SVOP: variants seen among roughly 807,000 people sequenced by gnomAD.
SVOP encodes the protein SV2 related protein.
SVOP carries 17 observed loss-of-function variants against 69.1 expected under a neutral mutation model. That is an observed-to-expected ratio of 0.25 (90% CI 0.17 to 0.37). SVOP has a LOEUF of 0.37. Among genes scored for constraint, SVOP ranks in the 10% least tolerant of loss-of-function variants. The pLI, the probability that SVOP is intolerant of heterozygous loss-of-function variation, is 1.00. For synonymous variants in SVOP, 238 were observed against 238.6 expected (o/e 1.00, Z 0.02); for missense variants, 435 against 597.5 (o/e 0.73, Z 2.84).
intron 1 of SVOP, among the ~76,000 whole-genome samples, chr12:109,014,273 C>T (rs2040357321): frequency 6.6e-6 from 1 of 152,162 alleles, no homozygotes; most frequent in Admixed American, 6.5e-5. Flanking sequence ...CCTCGGCCTT[C>T]CAAAGTGCTG....
At chr12:108,991,131 G>A (rs1428194766) in intron 1 of SVOP, among the ~76,000 whole-genome samples, 3 of 152,170 alleles carry the variant, frequency 2.0e-5, no homozygotes, top group African/African-American at 7.2e-5. Flanking sequence ...ACAGGACTCA[G>A]GCAAACATCC....
intron 1 of SVOP, among the ~76,000 whole-genome samples, chr12:109,019,383 C>T (rs1209001344): frequency 6.6e-6 from 1 of 152,052 alleles, no homozygotes; most frequent in Non-Finnish European, 1.5e-5. Context: ...TTCATATACA[C>T]ATGAATCTTT....
At chr12:108,936,158 C>T (rs918736892) in intron 10 of SVOP, among the ~76,000 whole-genome samples, 1 of 151,948 alleles carries the variant, frequency 6.6e-6, no homozygotes, top group Non-Finnish European at 1.5e-5. Flanking sequence ...TGGTTCTCAT[C>T]CCCCAGCCTC....
intron 1 of SVOP, among the ~76,000 whole-genome samples, chr12:108,997,389 C>T (rs1480771321): frequency 2.7e-5 from 4 of 150,530 alleles, no homozygotes; most frequent in African/African-American, 9.7e-5. Flanking sequence ...GGGGGAGGGG[C>T]GCCCGCCATT....
rs1038388179 is a variant in SVOP at position 108,911,032 on chromosome 12, A to G, written c.*1503T>C. 7.2e-5 allele frequency: 11 copies of G among 152,148 alleles called. No homozygotes were observed. The highest frequency in any genetic ancestry group is 2.4e-4 in the African/African-American group (10 of 41,418). 9.4% of individuals were successfully genotyped at this position (152,148 alleles called of 1,614,324 possible). ...CTTGTCTATGTCCCCTGCCTTCACCATGGGAAAAAAGGCTCCAGTAAACCA... is the reference window on the plus strand; with the variant it reads ...CTTGTCTATGTCCCCTGCCTTCACCGTGGGAAAAAAGGCTCCAGTAAACCA... On this transcript the variant is annotated 3_prime_UTR_variant, in exon 16 of 16. Coordinates refer to ENST00000610966, the MANE Select transcript of SVOP (RefSeq NM_018711.5).
At chr12:108,962,443 TG>T (rs1433935112) in intron 5 of SVOP, among the ~76,000 whole-genome samples, 1 of 152,184 alleles carries the variant, frequency 6.6e-6, no homozygotes, top group African/African-American at 2.4e-5. Flanking sequence ...ATTTTATCTT[TG>T]GAAATTTTTT....
chr12:108,994,418 C>T (rs999091943), intron 1 of SVOP, among the ~76,000 whole-genome samples: 4 of 152,126 alleles, frequency 2.6e-5, no homozygotes, highest in Middle Eastern at 3.4e-3. Context: ...CGCTTGAACC[C>T]GGGAGGCAGA....
intron 12 of SVOP, among the ~76,000 whole-genome samples, chr12:108,921,263 A>C (rs1399165302): frequency 6.6e-6 from 1 of 152,060 alleles, no homozygotes; most frequent in Admixed American, 6.5e-5. Context: ...TTTTAGAGGA[A>C]AGATAGACAG....
At chr12:109,014,441 C>T (rs532186852) in intron 1 of SVOP, among the ~76,000 whole-genome samples, 3 of 152,108 alleles carry the variant, frequency 2.0e-5, no homozygotes, top group African/African-American at 7.2e-5. Context: ...TTCATCCATT[C>T]GTCAGTCCAT....
At chr12:108,989,729 T>C (rs2040188526) in intron 1 of SVOP, among the ~76,000 whole-genome samples, 1 of 152,198 alleles carries the variant, frequency 6.6e-6, no homozygotes, top group Non-Finnish European at 1.5e-5. Flanking sequence ...GCTAAAGGAA[T>C]CTGTAAAGAG....
At chr12:109,019,376 A>G (rs1417058488) in intron 1 of SVOP, among the ~76,000 whole-genome samples, 4 of 152,212 alleles carry the variant, frequency 2.6e-5, no homozygotes, top group African/African-American at 9.6e-5. Flanking sequence ...TGCAAAGTTC[A>G]TATACACATG....
intron 14 of SVOP, among the ~76,000 whole-genome samples, chr12:108,916,769 G>T (rs1157762825): frequency 1.3e-5 from 2 of 152,126 alleles, no homozygotes; most frequent in Admixed American, 1.3e-4. Context: ...TTGAGACAGG[G>T]TCTCACTCTG....
intron 1 of SVOP, among the ~76,000 whole-genome samples, chr12:108,985,272 AGG>A: frequency 6.6e-6 from 1 of 150,402 alleles, no homozygotes; most frequent in African/African-American, 2.5e-5. Context: ...AGAGAGAGAG[AGG>A]AGAAGGAAGA....
At chr12:108,952,490 C>G (rs540597443) in intron 6 of SVOP, among the ~76,000 whole-genome samples, 1 of 152,062 alleles carries the variant, frequency 6.6e-6, no homozygotes, top group African/African-American at 2.4e-5. Context: ...CCTGCCTCAG[C>G]CTCCCAAAGT....
chr12:109,005,222 GCAAA>G (rs2040299343), intron 1 of SVOP, among the ~76,000 whole-genome samples: 1 of 152,178 alleles, frequency 6.6e-6, no homozygotes, highest in African/African-American at 2.4e-5. Flanking sequence ...CCCAACTCTG[GCAAA>G]CAGACTGACT....
intron 1 of SVOP, among the ~76,000 whole-genome samples, chr12:109,006,413 A>G (rs2135626757): frequency 6.6e-6 from 1 of 152,260 alleles, no homozygotes; most frequent in Non-Finnish European, 1.5e-5. Flanking sequence ...CTGAGAAATC[A>G]CGAGATGTGA....
chr12:108,977,299 T>C, intron 4 of SVOP, 99 bp downstream of exon 4: 1 of 1,401,316 alleles, frequency 7.1e-7, no homozygotes, highest in Non-Finnish European at 9.6e-7. Context: ...TTAATTCTTT[T>C]CTGCTGAGCC....
At chr12:108,970,124 T>C (rs2040069928) in intron 5 of SVOP, among the ~76,000 whole-genome samples, 2 of 152,182 alleles carry the variant, frequency 1.3e-5, no homozygotes, top group Admixed American at 1.3e-4. Flanking sequence ...TCCTGCGCAA[T>C]AGCAGTGAGA....
Position 108,969,909 on chromosome 12 carries a change from GC to G in SVOP, c.453+2495del, listed in dbSNP as rs202239008. Among the ~76,000 whole-genome samples, 758 of 152,246 alleles carry G rather than the reference GC, an allele frequency of 5.0e-3. 12 individuals are homozygous for G. The highest frequency in any genetic ancestry group is 0.017 in the African/African-American group (715 of 41,542). On this transcript the variant is annotated intron_variant, in intron 5 of 15. Coordinates refer to ENST00000610966, the MANE Select transcript of SVOP (RefSeq NM_018711.5). ...TGGGTTAACAGGGGGGTAATAACCA[GC>G]TTTTACTTCCTTTGGGAGCCCCAGA...
Sources: allele counts gnomAD v4.1 joint callset (sites outside exome capture counted in the v4.1 genomes callset), GRCh38; gene constraint gnomAD v4.1.1; transcripts MANE v1.5; gene names NCBI Gene and HGNC (gene_info 2026-07-23, HGNC 2026-07-21).